SOX6: variants seen among roughly 807,000 people sequenced by gnomAD.
The protein encoded by SOX6 is SRY-box transcription factor 6.
A neutral mutation model predicts 97.8 loss-of-function variants in SOX6; 11 were observed. The ratio of observed to expected loss-of-function variants is 0.11; its 90% CI spans 0.07 to 0.19. The LOEUF is 0.19. SOX6 is among the 10% of genes least tolerant of loss of function. The probability of loss-of-function intolerance (pLI) is 1.00; values close to 1 mark genes in which losing one functional copy is unlikely to be tolerated. For missense variants in SOX6, 810 were observed against 1,039.5 expected (o/e 0.78, Z 3.04); for synonymous variants, 360 against 371.4 (o/e 0.97, Z 0.35).
At chr11:16,272,368 T>C (rs1176546818) in intron 3 of SOX6, among the ~76,000 whole-genome samples, 1 of 151,766 alleles carries the variant, frequency 6.6e-6, no homozygotes, top group African/African-American at 2.4e-5. Context: ...TTTCTGTTTC[T>C]AAACACTTTC....
intron 4 of SOX6, among the ~76,000 whole-genome samples, chr11:16,597,493 A>C (rs191440529): frequency 6.6e-6 from 1 of 152,098 alleles, no homozygotes; most frequent in Admixed American, 6.5e-5. Flanking sequence ...CAACTAGTTT[A>C]GCAAATAAAA....
At chr11:16,109,632 AGATT>A (rs1849179300) in intron 7 of SOX6, among the ~76,000 whole-genome samples, 2 of 152,324 alleles carry the variant, frequency 1.3e-5, no homozygotes, top group Non-Finnish European at 1.5e-5. Context: ...AACACTGCAT[AGATT>A]GATTAAGTCT....
At chr11:16,335,444 T>C (rs1856428615) in intron 2 of SOX6, among the ~76,000 whole-genome samples, 1 of 152,200 alleles carries the variant, frequency 6.6e-6, no homozygotes, top group South Asian at 2.1e-4. Flanking sequence ...GAGTTATGAC[T>C]ATGACTATAC....
rs1853186225 is a variant in SOX6, at chr11:15,967,894, C to T, written c.*4915G>A. 2 of 148,522 alleles carry T rather than the reference C, an allele frequency of 1.3e-5. No individual in the cohort carries two copies. Among genetic ancestry groups the T allele is most frequent in the Admixed American group, 1.3e-4 (2 of 14,826 alleles). 9.2% of individuals were successfully genotyped at this position (148,522 alleles called of 1,614,324 possible). On this transcript the variant is annotated 3_prime_UTR_variant, in exon 16 of 16. Transcript: ENST00000683767. ...ATTAAGCATTACCTTTCTGCCCCCACCCCGCCCACCCTTACCTCTGCCCCA... is the reference window on the plus strand; with the variant it reads ...ATTAAGCATTACCTTTCTGCCCCCATCCCGCCCACCCTTACCTCTGCCCCA...
At chr11:16,592,156 G>A (rs186226302) in intron 4 of SOX6, among the ~76,000 whole-genome samples, 4 of 151,836 alleles carry the variant, frequency 2.6e-5, no homozygotes, top group Non-Finnish European at 5.9e-5. Flanking sequence ...GTTCATGAGC[G>A]TTTTGCTAAG....
At chr11:16,418,997 A>G (rs1331893191) in intron 1 of SOX6, among the ~76,000 whole-genome samples, 1 of 152,172 alleles carries the variant, frequency 6.6e-6, no homozygotes, top group African/African-American at 2.4e-5. Context: ...GCCGCCTCAC[A>G]AAAAGAGTAT....
At chr11:16,324,899 T>C (rs1240503236) in intron 2 of SOX6, among the ~76,000 whole-genome samples, 2 of 152,096 alleles carry the variant, frequency 1.3e-5, no homozygotes, top group African/African-American at 4.8e-5. Flanking sequence ...CAGTAGTTAC[T>C]AGAGGCTAGG....
intron 1 of SOX6, among the ~76,000 whole-genome samples, chr11:16,445,455 G>A (rs1030648282): frequency 6.6e-6 from 1 of 152,090 alleles, no homozygotes; most frequent in Non-Finnish European, 1.5e-5. Context: ...ATGTATCTGT[G>A]GGCATTTTTA....
At chr11:16,552,180 C>T (rs1021683056) in intron 4 of SOX6, among the ~76,000 whole-genome samples, 2 of 152,048 alleles carry the variant, frequency 1.3e-5, no homozygotes, top group African/African-American at 4.8e-5. Flanking sequence ...AAAATTAGTA[C>T]TTTTTGACAA....
chr11:16,212,290 T>G (rs1852253413), intron 4 of SOX6, among the ~76,000 whole-genome samples: 1 of 152,168 alleles, frequency 6.6e-6, no homozygotes, highest in Admixed American at 6.5e-5. Context: ...GCTTTTATTT[T>G]TTTAACATTT....
intron 2 of SOX6, among the ~76,000 whole-genome samples, chr11:16,719,381 T>A (rs16933361): frequency 0.011 from 1,748 of 152,304 alleles, 26 homozygotes; most frequent in African/African-American, 0.04. Context: ...TCAAAGATGA[T>A]CAAAAGTACA....
intron 2 of SOX6, among the ~76,000 whole-genome samples, chr11:16,338,206 G>A (rs928808898): frequency 2.6e-5 from 4 of 151,694 alleles, no homozygotes; most frequent in Non-Finnish European, 4.4e-5. Flanking sequence ...TATTTTTTGC[G>A]ACTCTAAGTA....
At position 15,975,769 on chromosome 11, in the gene SOX6, C is replaced by T. The variant is rs115577798; in HGVS notation, c.2184-2657G>A. On this transcript the variant is annotated intron_variant, in intron 15 of 15. Transcript: ENST00000683767. ...CCATAATCAGGAGTTGAACCTTCCC[C>T]GTGTCACAAATTCCCTAGCACATAT... is the stretch of plus-strand genomic sequence containing the variant. 8.6e-3 allele frequency among the ~76,000 whole-genome samples: 1,304 copies of T among 152,182 alleles called. 14 individuals are homozygous for T. The highest frequency in any genetic ancestry group is 0.03 in the African/African-American group (1,261 of 41,506).
chr11:16,402,840 C>CTAT (rs1424701603), intron 1 of SOX6: 1 of 1,547,340 alleles, frequency 6.5e-7, no homozygotes, highest in Admixed American at 2.0e-5. Context: ...TTCATCTTTC[C>CTAT]TATCCCCAAT....
chr11:16,092,218 C>T (rs1454226310), intron 9 of SOX6, among the ~76,000 whole-genome samples: 1 of 151,882 alleles, frequency 6.6e-6, no homozygotes, highest in Non-Finnish European at 1.5e-5. Flanking sequence ...CCCCATCCTT[C>T]ATTGTATTTT....
chr11:16,514,863 A>G (rs1184260002), intron 4 of SOX6, among the ~76,000 whole-genome samples: 2 of 151,782 alleles, frequency 1.3e-5, no homozygotes, highest in Non-Finnish European at 2.9e-5. Context: ...ATGTCCCTAC[A>G]AAGGACATGA....
chr11:16,531,906 A>T (rs1304984663), intron 4 of SOX6, among the ~76,000 whole-genome samples: 1 of 151,950 alleles, frequency 6.6e-6, no homozygotes, highest in Non-Finnish European at 1.5e-5. Flanking sequence ...TTTCCTCATG[A>T]CATCCAATAT....
At position 16,234,688 on chromosome 11, in the gene SOX6, G is replaced by C. The variant is rs998784794; in HGVS notation, c.446-17C>G. 7.4e-7 allele frequency: 1 copy of C among 1,359,776 alleles called. No individual in the cohort carries two copies. 84.2% of individuals were successfully genotyped at this position (1,359,776 alleles called of 1,614,324 possible). On this transcript the variant is annotated splice_polypyrimidine_tract_variant and intron_variant, in intron 3 of 15. Transcript: ENST00000683767. ...AGGAGGAATCTATTAAAATACAAAA[G>C]TAAGTATTAAAAATATATATTTATT...
At chr11:16,098,558 A>G (rs1848859719) in intron 7 of SOX6, among the ~76,000 whole-genome samples, 1 of 151,856 alleles carries the variant, frequency 6.6e-6, no homozygotes. Context: ...AAAACAAAGT[A>G]AGGAGAAACA....
Sources: gnomAD v4.1 joint callset for allele counts (sites outside exome capture counted in the v4.1 genomes callset) on GRCh38, gnomAD v4.1.1 for gene constraint, MANE v1.5 for transcripts, NCBI Gene and HGNC (gene_info 2026-07-23, HGNC 2026-07-21) for gene names.